RABL3: variants seen among roughly 807,000 people sequenced by gnomAD.
RABL3 encodes RAB, member of RAS oncogene family like 3.
In RABL3, 31 loss-of-function variants were observed where a neutral mutation model predicts 31.8. The observed-to-expected ratio is 0.97, with a 90% CI of 0.73 to 1.31. The LOEUF is 1.31. Among genes scored for constraint, RABL3 ranks in the 40% most tolerant of loss-of-function variants. RABL3 has a pLI of 0.00. For synonymous variants in RABL3, 97 were observed against 99.9 expected, an observed-to-expected ratio of 0.97 and a Z score of 0.18; for missense variants, 263 against 279.6, an observed-to-expected ratio of 0.94 and a Z score of 0.42.
intron 2 of RABL3, among the ~76,000 whole-genome samples, chr3:120,720,822 G>A (rs1346824848): frequency 6.6e-6 from 1 of 152,068 alleles, no homozygotes; most frequent in Non-Finnish European, 1.5e-5. Context: ...TCAAATTCAG[G>A]AAATACAGAG....
At chr3:120,724,625 AGAGCCCTCAGAAAT>A (rs1559820781) in intron 2 of RABL3, among the ~76,000 whole-genome samples, 3 of 152,218 alleles carry the variant, frequency 2.0e-5, no homozygotes, top group Non-Finnish European at 1.5e-5. Context: ...GGAACAGAAC[AGAGCCCTCAGAAAT>A]AATGCCACAT....
intron 2 of RABL3, among the ~76,000 whole-genome samples, chr3:120,726,438 C>G (rs1044829729): frequency 6.6e-6 from 1 of 152,038 alleles, no homozygotes; most frequent in Admixed American, 6.6e-5. Flanking sequence ...TAGGCTGGGG[C>G]AACACGGTGC....
chr3:120,724,522 G>T (rs1273213481), intron 2 of RABL3, among the ~76,000 whole-genome samples: 1 of 152,174 alleles, frequency 6.6e-6, no homozygotes, highest in Admixed American at 6.5e-5. Flanking sequence ...GACAAAGCTG[G>T]AGGCATCACG....
At chr3:120,737,725 C>T (rs929172118) in intron 1 of RABL3, among the ~76,000 whole-genome samples, 4 of 152,136 alleles carry the variant, frequency 2.6e-5, no homozygotes, top group South Asian at 2.1e-4. Flanking sequence ...TTCTGTTTGT[C>T]AGTTTTCCTT....
chr3:120,690,313 A>G (rs748274926), intron 7 of RABL3, 136 bp downstream of exon 7: 1 of 655,434 alleles, frequency 1.5e-6, no homozygotes, highest in Admixed American at 2.8e-5. Flanking sequence ...TTTTGTATTT[A>G]ACAGGATAGA....
At position 120,742,463 on chromosome 3, in the gene RABL3, T is replaced by C; in HGVS notation, c.45A>G (p.Ser15=). 2 of 1,614,118 alleles carry C rather than the reference T, an allele frequency of 1.2e-6. No individual in the cohort carries two copies. The highest frequency in any genetic ancestry group is 2.7e-5 in the African/African-American group (2 of 75,064). The stretch of plus-strand genomic sequence containing the variant: ...CCAGAGGTAGGGTAAGCCGCTCACC[T>C]GAGTCTCCCAACACCAGTACCTTCA... ...DRVKVLVLGD[S]GVGKSSLVHL... Residue 15 remains serine, a splice_region_variant and synonymous_variant, in exon 1 of 8, where the codon TCA becomes TCG. Coordinates refer to ENST00000273375, the MANE Select transcript of RABL3 (RefSeq NM_173825.5).
chr3:120,742,352 A>T, intron 1 of RABL3, 110 bp downstream of exon 1: 1 of 1,003,602 alleles, frequency 1.0e-6, no homozygotes, highest in Non-Finnish European at 1.6e-6. Flanking sequence ...CCTGGGAGGG[A>T]CTTCAGCCAC....
intron 4 of RABL3, among the ~76,000 whole-genome samples, chr3:120,702,854 G>A (rs1301984134): frequency 2.6e-5 from 4 of 152,202 alleles, no homozygotes; most frequent in African/African-American, 4.8e-5. Flanking sequence ...ACCGCGCCGG[G>A]CCCAGAAGGG....
At chr3:120,728,106 C>T (rs1480442506) in intron 2 of RABL3, among the ~76,000 whole-genome samples, 1 of 151,950 alleles carries the variant, frequency 6.6e-6, no homozygotes, top group Non-Finnish European at 1.5e-5. Flanking sequence ...GAAAGAAAAC[C>T]AAGACAAAAG....
intron 1 of RABL3, among the ~76,000 whole-genome samples, chr3:120,735,058 TA>T (rs1448877343): frequency 6.6e-6 from 1 of 152,250 alleles, no homozygotes; most frequent in African/African-American, 2.4e-5. Context: ...GCTGGCCTCG[TA>T]AAATGAGTTA....
intron 1 of RABL3, among the ~76,000 whole-genome samples, chr3:120,736,325 T>A (rs922973248): frequency 8.5e-5 from 13 of 152,238 alleles, no homozygotes; most frequent in Non-Finnish European, 1.8e-4. Flanking sequence ...TTTTGATCTT[T>A]GTTGTTTAAA....
intron 2 of RABL3, among the ~76,000 whole-genome samples, chr3:120,719,274 G>A (rs893000311): frequency 6.6e-6 from 1 of 152,224 alleles, no homozygotes; most frequent in Non-Finnish European, 1.5e-5. Flanking sequence ...CAGCGTGAGC[G>A]ACACAGAAGA....
intron 1 of RABL3, among the ~76,000 whole-genome samples, chr3:120,739,536 TTTTAGTGTCATTAA>T (rs1238876295): frequency 1.3e-5 from 2 of 152,184 alleles, no homozygotes; most frequent in Non-Finnish European, 2.9e-5. Context: ...ATCTACCAGG[TTTTAGTGTCATTAA>T]TTTATATGAG....
intron 2 of RABL3, among the ~76,000 whole-genome samples, chr3:120,717,148 C>CG (rs747370340): frequency 1.8e-4 from 28 of 151,594 alleles, no homozygotes; most frequent in Non-Finnish European, 3.2e-4. Flanking sequence ...CCCAGCTACT[C>CG]GGGAGGCTGA....
chr3:120,709,678 C>CT, intron 3 of RABL3, 102 bp downstream of exon 3: 1 of 873,360 alleles, frequency 1.1e-6, no homozygotes, highest in South Asian at 1.8e-5. Flanking sequence ...TACATTATAT[C>CT]TTTCTCAAAT....
chr3:120,696,620 CACACACACAT>C (rs1358908766), intron 5 of RABL3, among the ~76,000 whole-genome samples: 1 of 151,760 alleles, frequency 6.6e-6, no homozygotes, highest in East Asian at 1.9e-4. Flanking sequence ...CACACACACA[CACACACACAT>C]GCACGCGATT....
intron 1 of RABL3, among the ~76,000 whole-genome samples, chr3:120,740,603 T>C (rs1709029505): frequency 6.6e-6 from 1 of 152,194 alleles, no homozygotes; most frequent in Non-Finnish European, 1.5e-5. Context: ...CAAAATTTTA[T>C]AAGGGAAATG....
chr3:120,709,976 G>A lies in RABL3; in HGVS notation c.139-67C>T, dbSNP rs140257367. On this transcript the variant is annotated intron_variant, in intron 2 of 7. Coordinates refer to ENST00000273375, the MANE Select transcript of RABL3 (RefSeq NM_173825.5). The stretch of plus-strand genomic sequence containing the variant: ...ACAAACTAGTAAGTACCCTTATTCC[G>A]GTTTAAAGCATTTCAGCATCTTACT... The A allele has an allele frequency of 1.2e-3, 1,379 of 1,179,046 alleles. 12 individuals are homozygous for A. The African/African-American group carries it at 0.018, about 16-fold the overall frequency. 73.0% of individuals were successfully genotyped at this position (1,179,046 alleles called of 1,614,324 possible). A position where few individuals can be genotyped will look rare whatever the true frequency, so the allele number is the denominator to read the frequency against.
intron 2 of RABL3, among the ~76,000 whole-genome samples, chr3:120,715,106 A>ACAGT (rs1429694599): frequency 6.6e-6 from 1 of 152,108 alleles, no homozygotes; most frequent in Non-Finnish European, 1.5e-5. Flanking sequence ...CTTCTTGGGG[A>ACAGT]CAGTCCATCT....
Sources: gnomAD v4.1 joint callset for allele counts (sites outside exome capture counted in the v4.1 genomes callset) on GRCh38, gnomAD v4.1.1 for gene constraint, MANE v1.5 for transcripts, NCBI Gene and HGNC (gene_info 2026-07-23, HGNC 2026-07-21) for gene names.